Variants in RBPMS observed in about 807,000 individuals in gnomAD.
The protein encoded by RBPMS is RNA-binding protein with multiple splicing.
A neutral mutation model predicts 26.8 loss-of-function variants in RBPMS; 7 were observed. The ratio of observed to expected loss-of-function variants is 0.26; its 90% confidence interval spans 0.15 to 0.49. The LOEUF (loss-of-function observed/expected upper bound fraction) is 0.49, where lower values mean the gene tolerates loss of function less well. Ranked by LOEUF, RBPMS falls within the 20% of genes least tolerant of loss-of-function variation. RBPMS has a pLI of 0.98. For missense variants in RBPMS, 186 were observed against 250.0 expected (o/e 0.74, Z 1.73); for synonymous variants, 96 against 93.3 (o/e 1.03, Z -0.17).
intron 7 of RBPMS, among the ~76,000 whole-genome samples, chr8:30,563,482 C>T (rs959964195): frequency 6.6e-6 from 1 of 152,128 alleles, no homozygotes; most frequent in Admixed American, 6.5e-5. Context: ...GAAGAACCAG[C>T]GTTTGGGAGC....
At chr8:30,473,002 C>A (rs924399305) in intron 1 of RBPMS, among the ~76,000 whole-genome samples, 2 of 152,172 alleles carry the variant, frequency 1.3e-5, no homozygotes, top group African/African-American at 4.8e-5. Flanking sequence ...TGTATATATT[C>A]ATGGTTAACA....
In RBPMS at chr8:30,557,114, G is replaced by A. The variant is rs770511629; in HGVS notation, c.529-1773G>A. Among the ~76,000 whole-genome samples the A allele has an allele frequency of 1.4e-3, 214 of 152,304 alleles. 1 individual carries two copies. The highest frequency in any genetic ancestry group is 5.1e-3 in the African/African-American group (210 of 41,570). ...CCCTGATACTGGGGACCCTGCTCTAGCTGGTCATCTGATCGCTGGTCATAT... is the reference window on the plus strand; with the variant it reads ...CCCTGATACTGGGGACCCTGCTCTAACTGGTCATCTGATCGCTGGTCATAT... On this transcript the variant is annotated intron_variant, in intron 6 of 8. Transcript: ENST00000397323.
chr8:30,518,487 A>T (rs893962526), intron 5 of RBPMS, among the ~76,000 whole-genome samples: 2 of 151,634 alleles, frequency 1.3e-5, no homozygotes, highest in African/African-American at 4.9e-5. Context: ...GTGCAGTGGC[A>T]TGATCTCAGC....
intron 1 of RBPMS, among the ~76,000 whole-genome samples, chr8:30,464,399 A>C (rs540706530): frequency 1.3e-5 from 2 of 152,170 alleles, no homozygotes; most frequent in African/African-American, 4.8e-5. Flanking sequence ...CTGATAACTA[A>C]ATATTGGGAA....
intron 4 of RBPMS, among the ~76,000 whole-genome samples, chr8:30,495,053 A>G (rs898370892): frequency 2.0e-5 from 3 of 152,190 alleles, no homozygotes; most frequent in Non-Finnish European, 4.4e-5. Context: ...GTTAATGAGG[A>G]TGAGATTAGG....
At chr8:30,560,091 G>A (rs1234720390) in intron 7 of RBPMS, among the ~76,000 whole-genome samples, 3 of 152,154 alleles carry the variant, frequency 2.0e-5, no homozygotes, top group African/African-American at 4.8e-5. Context: ...AGCTGAACTC[G>A]CGCAGGTCAG....
chr8:30,545,207 A>G, intron 6 of RBPMS: 1 of 1,289,858 alleles, frequency 7.8e-7, no homozygotes, highest in Non-Finnish European at 1.0e-6. Flanking sequence ...TCTAAGATGG[A>G]ATTACAGGTC....
chr8:30,496,514 A>C (rs777364443), intron 4 of RBPMS, among the ~76,000 whole-genome samples: 2 of 152,154 alleles, frequency 1.3e-5, no homozygotes, highest in Non-Finnish European at 2.9e-5. Flanking sequence ...GGGAAAGGGC[A>C]ATGAGGAGTA....
chr8:30,539,665 G>A (rs535735258), intron 5 of RBPMS, among the ~76,000 whole-genome samples: 8 of 146,144 alleles, frequency 5.5e-5, no homozygotes, highest in Non-Finnish European at 6.0e-5. Flanking sequence ...TCGCTCTGTC[G>A]CCCAGGCTGG....
At chr8:30,514,566 A>T (rs984780938) in intron 5 of RBPMS, among the ~76,000 whole-genome samples, 29 of 150,014 alleles carry the variant, frequency 1.9e-4, no homozygotes, top group Non-Finnish European at 5.9e-5. Context: ...TTTAATTGAG[A>T]TTGAGTGTCA....
intron 5 of RBPMS, among the ~76,000 whole-genome samples, chr8:30,511,342 C>T (rs1466219138): frequency 6.6e-6 from 1 of 151,226 alleles, no homozygotes; most frequent in Non-Finnish European, 1.5e-5. Flanking sequence ...AAGCTTCAGA[C>T]TGGGCTTGGT....
intron 6 of RBPMS, among the ~76,000 whole-genome samples, chr8:30,549,272 C>T (rs1485271908): frequency 6.6e-6 from 1 of 152,220 alleles, no homozygotes; most frequent in Non-Finnish European, 1.5e-5. Context: ...TCTCAGGTCA[C>T]TTTAGCACTT....
At chr8:30,462,123 T>C (rs1815984255) in intron 1 of RBPMS, among the ~76,000 whole-genome samples, 1 of 152,254 alleles carries the variant, frequency 6.6e-6, no homozygotes, top group South Asian at 2.1e-4. Context: ...TTTATTTCTT[T>C]GGAATAGGTG....
At chr8:30,470,637 A>G (rs1475475546) in intron 1 of RBPMS, among the ~76,000 whole-genome samples, 3 of 152,192 alleles carry the variant, frequency 2.0e-5, no homozygotes, top group Non-Finnish European at 4.4e-5. Context: ...ACTAGAGGAA[A>G]GAATATCTCA....
chr8:30,496,568 G>A (rs541246635), intron 4 of RBPMS, among the ~76,000 whole-genome samples: 64 of 152,262 alleles, frequency 4.2e-4, no homozygotes, highest in African/African-American at 1.4e-3. Context: ...CAAAAGTTCA[G>A]TACTAATTAT....
At chr8:30,390,557 C>G (rs1420691229) in intron 1 of RBPMS, among the ~76,000 whole-genome samples, 1 of 152,138 alleles carries the variant, frequency 6.6e-6, no homozygotes, top group East Asian at 1.9e-4. Context: ...TAAGAGGAAG[C>G]CTAGGTCTTC....
intron 5 of RBPMS, among the ~76,000 whole-genome samples, chr8:30,508,821 A>G (rs980186248): frequency 6.6e-6 from 1 of 152,212 alleles, no homozygotes; most frequent in East Asian, 1.9e-4. Flanking sequence ...CATAATACAT[A>G]TGAAATTAAT....
At chr8:30,563,822 C>T (rs1256571572) in intron 7 of RBPMS, among the ~76,000 whole-genome samples, 1 of 152,166 alleles carries the variant, frequency 6.6e-6, no homozygotes, top group African/African-American at 2.4e-5. Context: ...CTCCTGCTGT[C>T]ACGCTGGCCT....
chr8:30,479,695 A>G (rs1255200306), intron 4 of RBPMS, among the ~76,000 whole-genome samples: 1 of 152,098 alleles, frequency 6.6e-6, no homozygotes, highest in Non-Finnish European at 1.5e-5. Context: ...TTTTTTCCAG[A>G]GGAGATATTT....
Sources: gnomAD v4.1 joint callset for allele counts (sites outside exome capture counted in the v4.1 genomes callset) on GRCh38, gnomAD v4.1.1 for gene constraint, MANE v1.5 for transcripts, NCBI Gene and HGNC (gene_info 2026-07-23, HGNC 2026-07-21) for gene names.